The following RFX8 variants were observed in gnomAD, a reference collection of about 807,000 sequenced individuals.
RFX8 encodes the protein DNA-binding protein RFX8.
A neutral mutation model predicts 54.6 loss-of-function variants in RFX8; 46 were observed. The observed-to-expected ratio is 0.84, with a 90% CI of 0.67 to 1.08. RFX8 has a LOEUF of 1.08. Ranked by LOEUF, RFX8 falls within the 50% of genes least tolerant of loss-of-function variation. The probability of loss-of-function intolerance (pLI) is 0.00; values close to 1 mark genes in which losing one functional copy is unlikely to be tolerated. For synonymous variants in RFX8, 192 were observed against 209.5 expected, an observed-to-expected ratio of 0.92 and a Z score of 0.72; for missense variants, 536 against 562.3, an observed-to-expected ratio of 0.95 and a Z score of 0.47.
chr2:101,426,609 C>T (rs552376778), intron 2 of RFX8, among the ~76,000 whole-genome samples: 32 of 152,274 alleles, frequency 2.1e-4, no homozygotes, highest in Admixed American at 1.6e-3. Context: ...AGAAATTCTA[C>T]GTGGATTCTT....
At chr2:101,429,155 A>G in intron 2 of RFX8, 1 of 583,310 alleles carries the variant, frequency 1.7e-6, no homozygotes, top group Non-Finnish European at 3.1e-6. Context: ...CCATGTTTCT[A>G]TCCACGAATG....
chr2:101,441,455 C>G (rs1573439023), intron 2 of RFX8, among the ~76,000 whole-genome samples: 1 of 152,318 alleles, frequency 6.6e-6, no homozygotes, highest in South Asian at 2.1e-4. Flanking sequence ...ACTCAGCCCC[C>G]TTGCCATGTG....
At position 101,415,269 on chromosome 2, in the gene RFX8, C is replaced by T. The variant is rs183497626; in HGVS notation, c.503-357G>A. ...GATGAGGCCCCGAGTGTACAGTTCCCATGAAGAGGATTAGAGGCCCCAGAG... is the reference window on the plus strand; with the variant it reads ...GATGAGGCCCCGAGTGTACAGTTCCTATGAAGAGGATTAGAGGCCCCAGAG... On this transcript the variant is annotated intron_variant, in intron 6 of 11. Coordinates refer to ENST00000428343, the MANE Select transcript of RFX8 (RefSeq NM_001145664.2). 2.4e-4 allele frequency among the ~76,000 whole-genome samples: 36 copies of T among 152,238 alleles called. No homozygotes were observed. In the East Asian group the frequency reaches 6.8e-3, roughly 29 times the overall value.
In RFX8 at chr2:101,474,904, G is replaced by C. The variant is rs1446742687; in HGVS notation, c.-321C>G. On this transcript the variant is annotated 5_prime_UTR_variant, in exon 1 of 12. Coordinates refer to ENST00000428343, the MANE Select transcript of RFX8 (RefSeq NM_001145664.2). The stretch of plus-strand genomic sequence containing the variant: ...TCTAGGAGTTTTGAAAAATCTCGGA[G>C]CTCTCTGGCAGGCGGGCGCATCTGG... Among the ~76,000 whole-genome samples, 2 of 152,142 alleles carry C rather than the reference G, an allele frequency of 1.3e-5. No homozygotes were observed. Among genetic ancestry groups the C allele is most frequent in the Non-Finnish European group, 2.9e-5 (2 of 68,008 alleles).
At position 101,429,008 on chromosome 2, in the gene RFX8, A is replaced by G. The variant is rs1163960433; in HGVS notation, c.73-6536T>C. 8.5e-6 allele frequency: 13 copies of G among 1,530,816 alleles called. 1 individual carries two copies. The Admixed American group carries it at 2.5e-4, about 30-fold the overall frequency. 94.8% of individuals were successfully genotyped at this position (1,530,816 alleles called of 1,614,324 possible). A position where few individuals can be genotyped will look rare whatever the true frequency, so the allele number is the denominator to read the frequency against. On this transcript the variant is annotated intron_variant, in intron 2 of 11. Coordinates refer to ENST00000428343, the MANE Select transcript of RFX8 (RefSeq NM_001145664.2). ...ATAATTAGTAGATTTTTCAAAGGCA[A>G]TGGCATCTCCACTGTGAAGGAACAG...
chr2:101,401,812 G>A (rs1685458556), intron 11 of RFX8, among the ~76,000 whole-genome samples: 1 of 152,068 alleles, frequency 6.6e-6, no homozygotes, highest in African/African-American at 2.4e-5. Flanking sequence ...GGCAGGCTGG[G>A]GCTCCAATCT....
intron 2 of RFX8, among the ~76,000 whole-genome samples, chr2:101,449,039 T>G (rs11682765): frequency 0.89 from 135,720 of 152,204 alleles, 61,023 homozygotes; most frequent in Middle Eastern, 0.95. Context: ...GTATGGATGG[T>G]ATTCAGGAAG....
In RFX8 at chr2:101,450,566, C is replaced by A. The variant is rs1335700005; in HGVS notation, c.72+16211G>T. ...CATTCACCAGGCTTGTGACCCAAGA[C>A]CAAAGTGCCAAAATGATAGCTACTA... On this transcript the variant is annotated intron_variant, in intron 2 of 11. Transcript: ENST00000428343. The A allele has an allele frequency of 3.4e-6, 4 of 1,189,826 alleles. 1 individual carries two copies. Among genetic ancestry groups the A allele is most frequent in the Middle Eastern group, 3.8e-4 (2 of 5,276 alleles). The allele number at this position is 1,189,826 out of a possible 1,614,324, so 73.7% of individuals were successfully genotyped here.
chr2:101,447,439 C>T (rs1243493677), intron 2 of RFX8, among the ~76,000 whole-genome samples: 1 of 152,184 alleles, frequency 6.6e-6, no homozygotes, highest in Non-Finnish European at 1.5e-5. Context: ...AGTCCAAGAT[C>T]ATGGTGCGGG....
chr2:101,433,418 A>G (rs1013269756), intron 2 of RFX8, among the ~76,000 whole-genome samples: 3 of 152,170 alleles, frequency 2.0e-5, no homozygotes, highest in African/African-American at 7.2e-5. Context: ...GAGAACCATG[A>G]TTTACTTTAA....
At chr2:101,404,375 G>A (rs982479049) in intron 10 of RFX8, among the ~76,000 whole-genome samples, 7 of 152,158 alleles carry the variant, frequency 4.6e-5, no homozygotes, top group Admixed American at 6.5e-5. Flanking sequence ...TGAATACATT[G>A]ATTTCATATG....
chr2:101,447,386 A>G (rs1688446960), intron 2 of RFX8, among the ~76,000 whole-genome samples: 1 of 152,234 alleles, frequency 6.6e-6, no homozygotes, highest in African/African-American at 2.4e-5. Context: ...TGGGTACTTT[A>G]TAAACAAAAG....
intron 7 of RFX8, among the ~76,000 whole-genome samples, chr2:101,414,616 C>T (rs372699138): frequency 4.1e-4 from 63 of 152,180 alleles, no homozygotes; most frequent in African/African-American, 1.5e-3. Context: ...CCCTCCTGCC[C>T]TGAGAGAGCC....
At chr2:101,415,076 C>G (rs1686414049) in intron 6 of RFX8, among the ~76,000 whole-genome samples, 164 bp from the exon 7 acceptor site, 1 of 152,036 alleles carries the variant, frequency 6.6e-6, no homozygotes, top group Non-Finnish European at 1.5e-5. Context: ...CTAGAAGATC[C>G]TGGCAGGGGA....
chr2:101,408,233 C>T (rs1394904528), intron 9 of RFX8, among the ~76,000 whole-genome samples: 1 of 151,962 alleles, frequency 6.6e-6, no homozygotes, highest in African/African-American at 2.4e-5. Flanking sequence ...CGCCTGTAAT[C>T]CCAGCACTTT....
chr2:101,405,913 T>A, intron 10 of RFX8, 30 bp downstream of exon 10: 2 of 1,352,882 alleles, frequency 1.5e-6, no homozygotes, highest in East Asian at 5.1e-5. Flanking sequence ...AAAGGTAGAA[T>A]ACAAAATACT....
At chr2:101,398,976 T>A (rs1375664903) in intron 11 of RFX8, among the ~76,000 whole-genome samples, 2 of 152,238 alleles carry the variant, frequency 1.3e-5, no homozygotes, top group Non-Finnish European at 2.9e-5. Flanking sequence ...GAAGAGACAC[T>A]TAAAAAAATT....
At chr2:101,399,774 A>G (rs2104506656) in intron 11 of RFX8, among the ~76,000 whole-genome samples, 1 of 151,098 alleles carries the variant, frequency 6.6e-6, no homozygotes, top group East Asian at 1.9e-4. Context: ...TGTTCTATCT[A>G]ATAAGGGGAA....
chr2:101,443,424 A>G (rs1013399138), intron 2 of RFX8, among the ~76,000 whole-genome samples: 4 of 152,222 alleles, frequency 2.6e-5, no homozygotes, highest in African/African-American at 9.7e-5. Flanking sequence ...TCCACTCACT[A>G]GTAATATTGG....
Sources: gnomAD v4.1 joint callset for allele counts (sites outside exome capture counted in the v4.1 genomes callset) on GRCh38, gnomAD v4.1.1 for gene constraint, MANE v1.5 for transcripts, NCBI Gene and HGNC (gene_info 2026-07-23, HGNC 2026-07-21) for gene names.